The following POU6F2 variants were observed in gnomAD, a reference collection of about 807,000 sequenced individuals.
The protein encoded by POU6F2 is POU class 6 homeobox 2, also known as POU domain, class 6, transcription factor 2.
In POU6F2, 31 loss-of-function variants were observed where a neutral mutation model predicts 71.3. The ratio of observed to expected loss-of-function variants is 0.43; its 90% CI spans 0.33 to 0.59. The LOEUF is 0.59. Among genes scored for constraint, POU6F2 ranks in the 20% least tolerant of loss-of-function variants. The probability of loss-of-function intolerance (pLI) is 0.04; values close to 1 mark genes in which losing one functional copy is unlikely to be tolerated. For synonymous variants in POU6F2, 347 were observed against 355.7 expected (o/e 0.98, Z 0.27); for missense variants, 783 against 856.8 (o/e 0.91, Z 1.07).
rs147074786 is a variant in POU6F2, at chr7:39,240,813, T to G, written c.598+33193T>G. 2.6e-3 allele frequency among the ~76,000 whole-genome samples: 400 copies of G among 152,282 alleles called. 1 individual carries two copies. Among genetic ancestry groups the G allele is most frequent in the African/African-American group, 9.0e-3 (376 of 41,558 alleles). ...TAATGACTCTTGCGAGTAAAAGATA[T>G]GATATTTTCAGCCATACAGAAAATC... On this transcript the variant is annotated intron_variant, in intron 4 of 9. Transcript: ENST00000518318.
chr7:39,382,138 A>G (rs1344317058), intron 5 of POU6F2, among the ~76,000 whole-genome samples: 1 of 152,176 alleles, frequency 6.6e-6, no homozygotes, highest in Non-Finnish European at 1.5e-5. Flanking sequence ...TTAAGTTCTG[A>G]CCCAGATCCA....
At chr7:39,105,368 C>G (rs1228687922) in intron 2 of POU6F2, among the ~76,000 whole-genome samples, 1 of 151,392 alleles carries the variant, frequency 6.6e-6, no homozygotes, top group East Asian at 1.9e-4. Flanking sequence ...TCATCTAAGT[C>G]ATAATTTTCT....
In POU6F2 at chr7:39,343,588, A is replaced by G. The variant is rs374112188; in HGVS notation, c.972+3573A>G. 3.2e-4 allele frequency among the ~76,000 whole-genome samples: 48 copies of G among 152,124 alleles called. 1 individual carries two copies. In the South Asian group the frequency reaches 9.3e-3, roughly 30 times the overall value. ...ATTTCAGACATCTTATAAAAGCCCT[A>G]TTGTGCACATATTCCCTCTTGAGTG... On this transcript the variant is annotated intron_variant, in intron 5 of 9. Transcript: ENST00000518318.
intron 4 of POU6F2, among the ~76,000 whole-genome samples, chr7:39,338,174 C>T (rs2115605203): frequency 6.6e-6 from 1 of 152,274 alleles, no homozygotes; most frequent in South Asian, 2.1e-4. Flanking sequence ...GGAACTCCAC[C>T]AGAAGAAGAG....
At chr7:39,009,963 A>C (rs574094816) in intron 1 of POU6F2, among the ~76,000 whole-genome samples, 2 of 152,144 alleles carry the variant, frequency 1.3e-5, no homozygotes, top group Non-Finnish European at 2.9e-5. Context: ...ATGTTCATCA[A>C]GGATACTGGT....
intron 3 of POU6F2, among the ~76,000 whole-genome samples, chr7:39,206,703 G>A (rs1243602790): frequency 6.6e-6 from 1 of 152,052 alleles, no homozygotes; most frequent in African/African-American, 2.4e-5. Context: ...GTTTAGTACT[G>A]TAATAAGCTA....
chr7:39,292,695 T>G (rs2128762544), intron 4 of POU6F2, among the ~76,000 whole-genome samples: 1 of 152,334 alleles, frequency 6.6e-6, no homozygotes. Flanking sequence ...GGGGAGTTTT[T>G]CTTGCCTTTA....
At chr7:39,001,675 TGA>T (rs1244902517) in intron 1 of POU6F2, among the ~76,000 whole-genome samples, 2 of 151,188 alleles carry the variant, frequency 1.3e-5, no homozygotes, top group African/African-American at 2.4e-5. Context: ...GTGGTGATGG[TGA>T]TGGTGATGGT....
chr7:39,350,635 C>T (rs1169025856), intron 5 of POU6F2, among the ~76,000 whole-genome samples: 1 of 152,196 alleles, frequency 6.6e-6, no homozygotes, highest in Admixed American at 6.5e-5. Flanking sequence ...TCCAAGCTCC[C>T]TGCATGCAAT....
chr7:39,368,509 TGCA>T (rs1320296557), intron 5 of POU6F2, among the ~76,000 whole-genome samples: 1 of 152,232 alleles, frequency 6.6e-6, no homozygotes, highest in Non-Finnish European at 1.5e-5. Flanking sequence ...ATGTAGAAGC[TGCA>T]GCAAGTTTTT....
At chr7:39,025,281 G>A (rs1789774179) in intron 1 of POU6F2, among the ~76,000 whole-genome samples, 1 of 152,062 alleles carries the variant, frequency 6.6e-6, no homozygotes, top group Admixed American at 6.6e-5. Flanking sequence ...AGATTTTCTA[G>A]TTTATTTGCA....
At chr7:39,092,691 A>T (rs1452884251) in intron 2 of POU6F2, among the ~76,000 whole-genome samples, 2 of 152,136 alleles carry the variant, frequency 1.3e-5, no homozygotes, top group Non-Finnish European at 2.9e-5. Context: ...TTCAATGTAA[A>T]CTTTCACCTC....
chr7:39,204,890 A>T (rs1793978267), intron 3 of POU6F2, among the ~76,000 whole-genome samples: 1 of 149,036 alleles, frequency 6.7e-6, no homozygotes, highest in African/African-American at 2.5e-5. Flanking sequence ...ACACAATTAT[A>T]AAAGGCTGGG....
chr7:39,372,545 A>T (rs188625863), intron 5 of POU6F2, among the ~76,000 whole-genome samples: 1 of 152,206 alleles, frequency 6.6e-6, no homozygotes, highest in South Asian at 2.1e-4. Context: ...TTTGTTCTGC[A>T]CAAGCCTTCA....
At chr7:39,241,249 G>A (rs891810549) in intron 4 of POU6F2, among the ~76,000 whole-genome samples, 4 of 152,134 alleles carry the variant, frequency 2.6e-5, no homozygotes, top group Non-Finnish European at 5.9e-5. Context: ...AAAGAAGGAG[G>A]CAGAGGAATA....
intron 2 of POU6F2, among the ~76,000 whole-genome samples, chr7:39,167,608 G>A (rs954713780): frequency 2.6e-5 from 4 of 151,910 alleles, no homozygotes; most frequent in Non-Finnish European, 5.9e-5. Context: ...CATGACTGTA[G>A]CATTTTATAC....
At chr7:39,055,418 T>C (rs2128714707) in intron 1 of POU6F2, among the ~76,000 whole-genome samples, 1 of 152,322 alleles carries the variant, frequency 6.6e-6, no homozygotes, top group East Asian at 1.9e-4. Flanking sequence ...ACTGCCAGAC[T>C]TGATCTTATA....
At chr7:39,245,272 C>T (rs553654868) in intron 4 of POU6F2, among the ~76,000 whole-genome samples, 39 of 152,292 alleles carry the variant, frequency 2.6e-4, no homozygotes, top group African/African-American at 3.9e-4. Context: ...CAGACAGCTT[C>T]GTAAAACTTG....
intron 1 of POU6F2, among the ~76,000 whole-genome samples, chr7:39,031,832 G>T (rs1789949734): frequency 6.6e-6 from 1 of 151,920 alleles, no homozygotes; most frequent in South Asian, 2.1e-4. Flanking sequence ...AGTGAGCTGA[G>T]ATCATGCCAC....
Sources: gnomAD v4.1 joint callset for allele counts (sites outside exome capture counted in the v4.1 genomes callset) on GRCh38, gnomAD v4.1.1 for gene constraint, MANE v1.5 for transcripts, NCBI Gene and HGNC (gene_info 2026-07-23, HGNC 2026-07-21) for gene names.